Variants in SAMMSON observed in about 807,000 individuals in gnomAD.
SAMMSON encodes the protein long intergenic non-protein coding RNA 1212.
At chr3:70,046,184 T>G (rs1416150149) in intron 3 of SAMMSON, among the ~76,000 whole-genome samples, 1 of 152,160 alleles carries the variant, frequency 6.6e-6, no homozygotes, top group East Asian at 1.9e-4. Context: ...ATGCCTTTTT[T>G]TCTTTATCAT....
rs1262283680 is a variant in SAMMSON, at chr3:70,286,619, G to C, written n.675-4560G>C. ...AGAAAGTCATTGGTAGCTTGATGGG[G>C]ATGGCATTGAATCTGTAAATTACCT... On this transcript the variant is annotated intron_variant and non_coding_transcript_variant, in intron 6 of 9. Coordinates refer to ENST00000642114, the Ensembl canonical transcript of SAMMSON. Among the ~76,000 whole-genome samples, 3 of 151,926 alleles carry C rather than the reference G, an allele frequency of 2.0e-5. No homozygotes were observed. The East Asian group carries it at 5.8e-4, about 29-fold the overall frequency.
At chr3:70,341,226 A>T (rs1702708513) in intron 7 of SAMMSON, among the ~76,000 whole-genome samples, 1 of 152,056 alleles carries the variant, frequency 6.6e-6, no homozygotes, top group Non-Finnish European at 1.5e-5. Context: ...CCCTGCTATG[A>T]TTCCATAATT....
At chr3:70,420,941 A>ATT (rs59075076) in intron 2 of SAMMSON, among the ~76,000 whole-genome samples, 11 of 151,026 alleles carry the variant, frequency 7.3e-5, no homozygotes, top group Admixed American at 4.6e-4. Flanking sequence ...GTTTTGCTTT[A>ATT]TTTTTTTTTT....
At chr3:70,289,626 A>G (rs1448623191) in intron 6 of SAMMSON, among the ~76,000 whole-genome samples, 1 of 150,802 alleles carries the variant, frequency 6.6e-6, no homozygotes, top group Admixed American at 6.6e-5. Flanking sequence ...GATTGGGGAA[A>G]TTCTCCTGGA....
intron 4 of SAMMSON, among the ~76,000 whole-genome samples, chr3:70,095,628 A>G (rs1038685065): frequency 6.6e-6 from 1 of 152,164 alleles, no homozygotes; most frequent in Non-Finnish European, 1.5e-5. Context: ...GAACCTGAGC[A>G]CTCAATTTCT....
At chr3:70,085,701 T>G (rs2067283035) in intron 4 of SAMMSON, among the ~76,000 whole-genome samples, 1 of 152,230 alleles carries the variant, frequency 6.6e-6, no homozygotes, top group South Asian at 2.1e-4. Flanking sequence ...ATAATATGGT[T>G]GTTGTTAGTA....
chr3:70,163,035 A>C (rs1459920128), intron 4 of SAMMSON, among the ~76,000 whole-genome samples: 1 of 151,328 alleles, frequency 6.6e-6, no homozygotes, highest in African/African-American at 2.4e-5. Context: ...TTTATCTTTG[A>C]ATCTAAAGGG....
intron 4 of SAMMSON, chr3:70,126,402 T>A: frequency 1.2e-6 from 1 of 816,888 alleles, no homozygotes; most frequent in Non-Finnish European, 2.1e-6. Flanking sequence ...TTAGGGAATG[T>A]GGCAAAAGCT....
Position 70,234,098 on chromosome 3 carries a change from A to C in SAMMSON, n.508-15009A>C, listed in dbSNP as rs531947712. On this transcript the variant is annotated intron_variant and non_coding_transcript_variant, in intron 4 of 9. Transcript: ENST00000642114. ...TCTGATACACACATTAAGAATAAAA[A>C]GACTGGAGTCATATCTAATGAGACC... Among the ~76,000 whole-genome samples the C allele has an allele frequency of 1.6e-4, 24 of 152,300 alleles. No homozygotes were observed. In the South Asian group the frequency reaches 5.0e-3, roughly 32 times the overall value.
chr3:70,224,820 A>G (rs957686107), intron 4 of SAMMSON, among the ~76,000 whole-genome samples: 1 of 152,050 alleles, frequency 6.6e-6, no homozygotes, highest in African/African-American at 2.4e-5. Flanking sequence ...TAATTTTTGC[A>G]GTTTCCCCCC....
At chr3:70,075,700 TA>T (rs1382348626) in intron 4 of SAMMSON, among the ~76,000 whole-genome samples, 5 of 152,136 alleles carry the variant, frequency 3.3e-5, no homozygotes, top group Non-Finnish European at 1.5e-5. Context: ...GTTGTAGTGA[TA>T]AAAGATTTCC....
At chr3:70,112,242 CATT>C (rs1186410733) in intron 4 of SAMMSON, among the ~76,000 whole-genome samples, 1 of 152,086 alleles carries the variant, frequency 6.6e-6, no homozygotes, top group African/African-American at 2.4e-5. Flanking sequence ...GTAGAATTCT[CATT>C]AATAATAACA....
chr3:70,308,309 C>G (rs1256184159), intron 7 of SAMMSON, among the ~76,000 whole-genome samples: 1 of 151,990 alleles, frequency 6.6e-6, no homozygotes, highest in Non-Finnish European at 1.5e-5. Flanking sequence ...ATCTTCCCAT[C>G]TTCTCCAAAA....
At chr3:70,087,900 G>T (rs2067291694) in intron 4 of SAMMSON, among the ~76,000 whole-genome samples, 1 of 152,128 alleles carries the variant, frequency 6.6e-6, no homozygotes, top group Admixed American at 6.5e-5. Context: ...ATGTATGGAT[G>T]AGTTATTAAA....
chr3:70,286,712 C>G (rs113191282), intron 6 of SAMMSON, among the ~76,000 whole-genome samples: 21 of 152,138 alleles, frequency 1.4e-4, no homozygotes, highest in Admixed American at 5.2e-4. Flanking sequence ...TCTTCCATTT[C>G]TTTTTATCCT....
At chr3:70,009,995 T>C (rs970998334) in intron 1 of SAMMSON, among the ~76,000 whole-genome samples, 1 of 151,126 alleles carries the variant, frequency 6.6e-6, no homozygotes, top group East Asian at 1.9e-4. Context: ...TGCACTGTGG[T>C]CTGAGAGACA....
intron 9 of SAMMSON, among the ~76,000 whole-genome samples, chr3:70,377,439 C>A (rs923630832): frequency 6.6e-6 from 1 of 152,014 alleles, no homozygotes; most frequent in African/African-American, 2.4e-5. Flanking sequence ...GGCTGTCCAT[C>A]TGGATAAACA....
chr3:70,410,118 C>T (rs762224590), intron 2 of SAMMSON, among the ~76,000 whole-genome samples: 4 of 152,168 alleles, frequency 2.6e-5, no homozygotes, highest in Non-Finnish European at 5.9e-5. Context: ...ATCTTTTCCC[C>T]CTAAACTATT....
chr3:70,329,933 A>C (rs1318756227), intron 7 of SAMMSON, among the ~76,000 whole-genome samples: 1 of 152,020 alleles, frequency 6.6e-6, no homozygotes, highest in Non-Finnish European at 1.5e-5. Flanking sequence ...ACACCCACCA[A>C]GTATTGGTAT....
Sources: gnomAD v4.1 joint callset for allele counts (sites outside exome capture counted in the v4.1 genomes callset) on GRCh38, gnomAD v4.1.1 for gene constraint, MANE v1.5 for transcripts, NCBI Gene and HGNC (gene_info 2026-07-23, HGNC 2026-07-21) for gene names.